The following USH2A variants were observed in gnomAD, a reference collection of about 807,000 sequenced individuals.
USH2A encodes the protein Usher syndrome 2A (autosomal recessive, mild).
In USH2A, 443 loss-of-function variants were observed where a neutral mutation model predicts 538.9. That is an observed-to-expected ratio of 0.82 (90% CI 0.76 to 0.89). The LOEUF (loss-of-function observed/expected upper bound fraction) is 0.89, where lower values mean the gene tolerates loss of function less well. Ranked by LOEUF, USH2A falls within the 40% of genes least tolerant of loss-of-function variation. The pLI, the probability that USH2A is intolerant of heterozygous loss-of-function variation, is 0.00. For synonymous variants in USH2A, 2,413 were observed against 2,273.5 expected, an observed-to-expected ratio of 1.06 and a Z score of -1.75; for missense variants, 6,633 against 6,324.8, an observed-to-expected ratio of 1.05 and a Z score of -1.65.
chr1:215,641,688 G>A (rs1466945070), intron 67 of USH2A, among the ~76,000 whole-genome samples: 1 of 152,084 alleles, frequency 6.6e-6, no homozygotes, highest in Non-Finnish European at 1.5e-5. Context: ...AGAAAAGAAA[G>A]GAGTGAGTAG....
intron 14 of USH2A, 101 bp downstream of exon 14, chr1:216,231,851 CA>C (rs142795742): frequency 1.8e-4 from 256 of 1,451,624 alleles, no homozygotes; most frequent in Non-Finnish European, 2.1e-4. Flanking sequence ...CCAAGCCGGG[CA>C]AAAAAAATAC....
intron 37 of USH2A, among the ~76,000 whole-genome samples, chr1:215,939,139 A>G (rs1488744636): frequency 6.6e-6 from 1 of 152,234 alleles, no homozygotes; most frequent in African/African-American, 2.4e-5. Context: ...GAACAATAAC[A>G]TCAGGGTTTC....
At chr1:216,032,986 C>T (rs904516523) in intron 32 of USH2A, among the ~76,000 whole-genome samples, 1 of 152,168 alleles carries the variant, frequency 6.6e-6, no homozygotes, top group Non-Finnish European at 1.5e-5. Flanking sequence ...TTCTGATTTA[C>T]AGAACTTTGA....
chr1:216,382,520 C>T (rs542172530), intron 3 of USH2A, among the ~76,000 whole-genome samples: 19 of 152,250 alleles, frequency 1.2e-4, no homozygotes, highest in African/African-American at 4.6e-4. Flanking sequence ...TCCATTCCAA[C>T]TGAAGAAATC....
At chr1:216,366,740 A>ACTATGT (rs2038607649) in intron 3 of USH2A, among the ~76,000 whole-genome samples, 1 of 152,084 alleles carries the variant, frequency 6.6e-6, no homozygotes, top group Non-Finnish European at 1.5e-5. Flanking sequence ...TCTTTCTTAA[A>ACTATGT]TCCATTGATC....
At chr1:215,945,510 G>T (rs915125224) in intron 37 of USH2A, among the ~76,000 whole-genome samples, 1 of 151,962 alleles carries the variant, frequency 6.6e-6, no homozygotes, top group African/African-American at 2.4e-5. Flanking sequence ...TGTATTAACA[G>T]GTCTTTTTTT....
intron 21 of USH2A, among the ~76,000 whole-genome samples, chr1:216,137,309 G>C (rs1194503378): frequency 6.6e-6 from 1 of 152,040 alleles, no homozygotes; most frequent in Non-Finnish European, 1.5e-5. Flanking sequence ...AGATTTAATT[G>C]GACTTACAGT....
intron 14 of USH2A, among the ~76,000 whole-genome samples, chr1:216,228,573 C>T (rs1216668913): frequency 6.6e-6 from 1 of 152,032 alleles, no homozygotes; most frequent in Non-Finnish European, 1.5e-5. Context: ...GGGGAGTTTC[C>T]CTGCACAAGC....
intron 3 of USH2A, among the ~76,000 whole-genome samples, chr1:216,391,067 G>A (rs1265487286): frequency 6.6e-6 from 1 of 152,180 alleles, no homozygotes; most frequent in Non-Finnish European, 1.5e-5. Flanking sequence ...TCAACTCTAA[G>A]CTCACTGTCA....
chr1:216,090,946 G>A (rs1394956332), intron 22 of USH2A, among the ~76,000 whole-genome samples: 1 of 152,130 alleles, frequency 6.6e-6, no homozygotes, highest in Admixed American at 6.6e-5. Flanking sequence ...AAGATCAGGT[G>A]TCTGAATAAG....
chr1:216,014,713 T>C (rs1412382578), intron 32 of USH2A, among the ~76,000 whole-genome samples: 1 of 152,218 alleles, frequency 6.6e-6, no homozygotes, highest in East Asian at 1.9e-4. Flanking sequence ...GCATTAGAAA[T>C]GGATCCACAG....
intron 60 of USH2A, among the ~76,000 whole-genome samples, chr1:215,734,007 G>C (rs1423964213): frequency 6.6e-6 from 1 of 152,190 alleles, no homozygotes; most frequent in African/African-American, 2.4e-5. Context: ...CTGTATGGTG[G>C]CTCCAACACC....
intron 37 of USH2A, among the ~76,000 whole-genome samples, chr1:215,948,869 A>G (rs1301754443): frequency 1.3e-5 from 2 of 152,152 alleles, no homozygotes; most frequent in African/African-American, 4.8e-5. Context: ...ATTACTAAAA[A>G]AAATTGGTTA....
chr1:216,200,142 A>T, intron 16 of USH2A, 21 bp from the exon 17 acceptor site: 1 of 1,603,048 alleles, frequency 6.2e-7, no homozygotes, highest in Non-Finnish European at 8.5e-7. Flanking sequence ...AAGAAAAAAA[A>T]AAAACAAAGT....
At chr1:215,659,337 C>T (rs1437807246) in intron 64 of USH2A, among the ~76,000 whole-genome samples, 1 of 152,104 alleles carries the variant, frequency 6.6e-6, no homozygotes, top group African/African-American at 2.4e-5. Flanking sequence ...CTCAAGAAGG[C>T]CAGTGTGGCT....
chr1:216,126,460 T>C (rs550798152), intron 21 of USH2A, among the ~76,000 whole-genome samples: 6 of 152,288 alleles, frequency 3.9e-5, no homozygotes, highest in South Asian at 4.1e-4. Context: ...CCTGACCTCG[T>C]GATCTGCCTG....
At chr1:216,026,797 G>A (rs1668977532) in intron 32 of USH2A, among the ~76,000 whole-genome samples, 1 of 152,068 alleles carries the variant, frequency 6.6e-6, no homozygotes, top group Non-Finnish European at 1.5e-5. Context: ...TGAGAGAGGG[G>A]TACACAAAGT....
intron 32 of USH2A, among the ~76,000 whole-genome samples, chr1:216,016,727 A>G (rs1450832444): frequency 6.6e-6 from 1 of 152,126 alleles, no homozygotes; most frequent in Non-Finnish European, 1.5e-5. Flanking sequence ...TGAATAGTAA[A>G]ACCTTTCTGC....
chr1:215,790,620 GGTTA>G (rs541481350), intron 50 of USH2A, among the ~76,000 whole-genome samples: 219 of 152,254 alleles, frequency 1.4e-3, no homozygotes, highest in Non-Finnish European at 2.0e-3. Flanking sequence ...TGCAGAAGAA[GGTTA>G]GTTAAACTAT....
Sources: gnomAD v4.1 joint callset for allele counts (sites outside exome capture counted in the v4.1 genomes callset) on GRCh38, gnomAD v4.1.1 for gene constraint, MANE v1.5 for transcripts, NCBI Gene and HGNC (gene_info 2026-07-23, HGNC 2026-07-21) for gene names.